The following NRG1 variants were observed in gnomAD, a reference collection of about 807,000 sequenced individuals.
The protein encoded by NRG1 is neuregulin 1.
NRG1 carries 18 observed loss-of-function variants against 63.8 expected under a neutral mutation model. The observed-to-expected ratio is 0.28, with a 90% CI of 0.19 to 0.42. The LOEUF (loss-of-function observed/expected upper bound fraction) is 0.42, where lower values mean the gene tolerates loss of function less well. Ranked by LOEUF, NRG1 falls within the 10% of genes least tolerant of loss-of-function variation. The pLI is 1.00. For missense variants in NRG1, 762 were observed against 814.7 expected (o/e 0.94, Z 0.79); for synonymous variants, 302 against 301.3 (o/e 1.00, Z -0.02).
At chr8:32,666,531 A>C (rs1181631406) in intron 5 of NRG1, among the ~76,000 whole-genome samples, 1 of 152,188 alleles carries the variant, frequency 6.6e-6, no homozygotes, top group Admixed American at 6.6e-5. Flanking sequence ...CTATTGTATC[A>C]CTTCCATTTT....
At chr8:32,244,768 C>T (rs1563225192) in intron 1 of NRG1, among the ~76,000 whole-genome samples, 1 of 152,138 alleles carries the variant, frequency 6.6e-6, no homozygotes, top group South Asian at 2.1e-4. Flanking sequence ...GCATTATTGT[C>T]GTAACATCAC....
At chr8:31,891,049 T>A (rs1831105962) in intron 1 of NRG1, among the ~76,000 whole-genome samples, 1 of 152,156 alleles carries the variant, frequency 6.6e-6, no homozygotes, top group South Asian at 2.1e-4. Flanking sequence ...CTATAAAACC[T>A]TTTAGAAAAA....
At chr8:32,555,750 C>T (rs570560828) in intron 1 of NRG1, among the ~76,000 whole-genome samples, 59 of 152,352 alleles carry the variant, frequency 3.9e-4, no homozygotes, top group African/African-American at 1.2e-3. Flanking sequence ...GGATTACAGG[C>T]GTGAGCCACC....
chr8:32,253,800 G>A (rs568406017), intron 1 of NRG1, among the ~76,000 whole-genome samples: 5 of 152,236 alleles, frequency 3.3e-5, no homozygotes, highest in South Asian at 2.1e-4. Flanking sequence ...GGTAGAAATC[G>A]GCTGTGAATC....
intron 1 of NRG1, among the ~76,000 whole-genome samples, chr8:31,801,136 C>G (rs1011942208): frequency 6.6e-6 from 1 of 151,978 alleles, no homozygotes; most frequent in Non-Finnish European, 1.5e-5. Flanking sequence ...TGTGAGCCAC[C>G]GTTCCCGGCC....
intron 1 of NRG1, among the ~76,000 whole-genome samples, chr8:32,354,319 A>C (rs761757357): frequency 6.6e-6 from 1 of 152,232 alleles, no homozygotes; most frequent in Non-Finnish European, 1.5e-5. Context: ...CAGTGAGCCG[A>C]GATCGTGCCA....
intron 5 of NRG1, among the ~76,000 whole-genome samples, chr8:32,660,414 C>T (rs371258493): frequency 2.6e-5 from 4 of 152,170 alleles, no homozygotes; most frequent in African/African-American, 4.8e-5. Flanking sequence ...AATCTGAAAC[C>T]GGGTCTTAAA....
intron 1 of NRG1, among the ~76,000 whole-genome samples, chr8:32,132,458 G>A (rs1834957091): frequency 4.6e-5 from 7 of 152,056 alleles, no homozygotes; most frequent in Admixed American, 4.6e-4. Flanking sequence ...CCAGAGAACA[G>A]AATGTTCTGT....
intron 1 of NRG1, among the ~76,000 whole-genome samples, chr8:31,742,131 T>C (rs1346290149): frequency 6.6e-6 from 1 of 151,998 alleles, no homozygotes; most frequent in South Asian, 2.1e-4. Flanking sequence ...TTCTGTAAGG[T>C]CAAAACAAGC....
chr8:32,613,158 G>A (rs985232896), intron 3 of NRG1, among the ~76,000 whole-genome samples: 5 of 151,964 alleles, frequency 3.3e-5, no homozygotes, highest in African/African-American at 1.2e-4. Context: ...TTTAGTGGAT[G>A]TAAGAGCCAA....
chr8:32,025,089 G>A (rs1236416883), intron 1 of NRG1, among the ~76,000 whole-genome samples: 1 of 152,164 alleles, frequency 6.6e-6, no homozygotes. Flanking sequence ...TTTCTCTGGT[G>A]AGATCAAGGG....
intron 1 of NRG1, among the ~76,000 whole-genome samples, chr8:32,065,362 C>T (rs1423465889): frequency 1.3e-5 from 2 of 152,118 alleles, no homozygotes; most frequent in African/African-American, 4.8e-5. Flanking sequence ...CCTCCCACCA[C>T]CCCACAACAG....
chr8:31,815,175 C>T (rs1332610636), intron 1 of NRG1, among the ~76,000 whole-genome samples: 1 of 152,098 alleles, frequency 6.6e-6, no homozygotes, highest in Non-Finnish European at 1.5e-5. Context: ...TCACCAGAAT[C>T]CATTGCCATA....
At chr8:32,092,461 C>CAAAAA (rs71208167) in intron 1 of NRG1, among the ~76,000 whole-genome samples, 1 of 83,678 alleles carries the variant, frequency 1.2e-5, no homozygotes, top group Non-Finnish European at 2.2e-5. Context: ...GACCCTGTCT[C>CAAAAA]AAAAAAAAAA....
intron 1 of NRG1, among the ~76,000 whole-genome samples, chr8:32,504,027 T>A (rs1828226163): frequency 6.6e-6 from 1 of 152,262 alleles, no homozygotes; most frequent in East Asian, 1.9e-4. Context: ...GCATGCCCAC[T>A]TGAGGTATTT....
At chr8:32,345,136 C>T (rs973537) in intron 1 of NRG1, among the ~76,000 whole-genome samples, 78,617 of 152,040 alleles carry the variant, frequency 0.52, 21,254 homozygotes, top group Non-Finnish European at 0.61. Flanking sequence ...ATCTGTGTCC[C>T]TATTATCCTG....
intron 1 of NRG1, among the ~76,000 whole-genome samples, chr8:32,178,499 G>A (rs996754355): frequency 6.6e-6 from 1 of 152,078 alleles, no homozygotes; most frequent in Admixed American, 6.6e-5. Flanking sequence ...AATCCCAGCT[G>A]CTCTGGAGGC....
At chr8:32,678,747 C>A (rs758771845) in intron 5 of NRG1, among the ~76,000 whole-genome samples, 35 of 152,134 alleles carry the variant, frequency 2.3e-4, no homozygotes, top group Non-Finnish European at 4.6e-4. Context: ...AAGTAGATAA[C>A]CATTTTCATT....
chr8:31,640,421 C>T lies in NRG1; in HGVS notation c.37+990C>T, dbSNP rs1484088348. 1.3e-5 allele frequency: 19 copies of T among 1,497,752 alleles called. No homozygotes were observed. The highest frequency in any genetic ancestry group is 1.6e-5 in the Non-Finnish European group (18 of 1,122,696). 92.8% of individuals were successfully genotyped at this position (1,497,752 alleles called of 1,614,324 possible). Reference sequence around the variant, plus strand: ...GGGACCGTGCCCTCTTGGCCCACCGCCCCGGTGCCCAGCGCCGGCGAGCCC... The same window carrying T: ...GGGACCGTGCCCTCTTGGCCCACCGTCCCGGTGCCCAGCGCCGGCGAGCCC... On this transcript the variant is annotated intron_variant, in intron 1 of 10. Transcript: ENST00000519301. This position sits in a 1 kb window ranked among gnomAD's most constrained non-coding sequence, Gnocchi z 6.3.
Sources: gnomAD v4.1 joint callset for allele counts (sites outside exome capture counted in the v4.1 genomes callset) on GRCh38, gnomAD v4.1.1 for gene constraint, Gnocchi (gnomAD v3.1) non-coding constraint, MANE v1.5 for transcripts, NCBI Gene and HGNC (gene_info 2026-07-23, HGNC 2026-07-21) for gene names.